Variants in SMOC2 observed in about 807,000 individuals in gnomAD.
SMOC2 encodes the protein SPARC related modular calcium binding 2, also known as SPARC-related modular calcium-binding protein 2.
In SMOC2, 39 loss-of-function variants were observed where a neutral mutation model predicts 61.4. The observed-to-expected ratio is 0.64, with a 90% confidence interval of 0.49 to 0.83. SMOC2 has a LOEUF of 0.83. SMOC2 is among the 40% of genes least tolerant of loss of function. The pLI is 0.00. For synonymous variants in SMOC2, 247 were observed against 239.9 expected, an observed-to-expected ratio of 1.03 and a Z score of -0.27; for missense variants, 556 against 592.9, an observed-to-expected ratio of 0.94 and a Z score of 0.65.
At chr6:168,504,640 T>C (rs1291798142) in intron 1 of SMOC2, among the ~76,000 whole-genome samples, 2 of 152,096 alleles carry the variant, frequency 1.3e-5, no homozygotes, top group African/African-American at 2.4e-5. Flanking sequence ...AAGCAGCAGA[T>C]ATCCCCCCAG....
At chr6:168,570,316 G>A (rs1018994769) in intron 7 of SMOC2, among the ~76,000 whole-genome samples, 8 of 152,214 alleles carry the variant, frequency 5.3e-5, no homozygotes, top group Non-Finnish European at 1.2e-4. Flanking sequence ...TGACTTCTCT[G>A]TGGGGGTCTC....
At chr6:168,664,621 C>A in intron 12 of SMOC2, 1 of 430,722 alleles carries the variant, frequency 2.3e-6, no homozygotes, top group Non-Finnish European at 4.8e-6. Flanking sequence ...ATTTCTGCTT[C>A]TTTTGGGGTC....
intron 8 of SMOC2, among the ~76,000 whole-genome samples, chr6:168,606,306 A>G (rs12191918): frequency 0.17 from 26,020 of 152,168 alleles, 3,355 homozygotes; most frequent in African/African-American, 0.35. Context: ...AATGGCTTTC[A>G]GTTAGAATGT....
chr6:168,518,588 T>A (rs1364842862), intron 2 of SMOC2, among the ~76,000 whole-genome samples: 2 of 138,384 alleles, frequency 1.4e-5, no homozygotes, highest in Admixed American at 1.5e-4. Flanking sequence ...CATGTATGTG[T>A]GTGAATGTGT....
Position 168,540,844 on chromosome 6 carries a change from G to A in SMOC2, c.464-2781G>A, listed in dbSNP as rs148864337. Among the ~76,000 whole-genome samples, 6 of 152,154 alleles carry A rather than the reference G, an allele frequency of 3.9e-5. 1 individual carries two copies. In the East Asian group the frequency reaches 1.2e-3, roughly 30 times the overall value. On this transcript the variant is annotated intron_variant, in intron 4 of 12. Transcript: ENST00000356284. Reference sequence around the variant, plus strand: ...CTCGGAAGGGGTGAGCCGCAGGCTTGTTTAGCTGCTCTGAAGGAGGACTCC... The same window carrying A: ...CTCGGAAGGGGTGAGCCGCAGGCTTATTTAGCTGCTCTGAAGGAGGACTCC...
chr6:168,540,182 C>A (rs1340771243), intron 4 of SMOC2, among the ~76,000 whole-genome samples: 1 of 152,226 alleles, frequency 6.6e-6, no homozygotes, highest in African/African-American at 2.4e-5. Flanking sequence ...CCTGTGGACA[C>A]GTGACAGGTG....
intron 4 of SMOC2, among the ~76,000 whole-genome samples, chr6:168,531,016 C>T (rs1021236928): frequency 7.9e-5 from 12 of 152,106 alleles, no homozygotes; most frequent in African/African-American, 2.7e-4. Context: ...TGGTGCCGTG[C>T]GCTAATGTCC....
intron 7 of SMOC2, among the ~76,000 whole-genome samples, chr6:168,569,974 G>A (rs943953612): frequency 2.0e-5 from 3 of 152,218 alleles, no homozygotes; most frequent in Non-Finnish European, 2.9e-5. Flanking sequence ...TCTAGGAGTT[G>A]TACAGTTCTG....
intron 4 of SMOC2, 52 bp downstream of exon 4, chr6:168,527,779 C>A: frequency 8.2e-7 from 1 of 1,224,872 alleles, no homozygotes. Context: ...ATTGGTTTGC[C>A]GTTTCTTCTC....
At chr6:168,631,610 T>C (rs1301566446) in intron 9 of SMOC2, among the ~76,000 whole-genome samples, 2 of 152,200 alleles carry the variant, frequency 1.3e-5, no homozygotes, top group Non-Finnish European at 2.9e-5. Flanking sequence ...GGGAAAAGCT[T>C]TTCTTGAAGG....
At chr6:168,520,521 G>A (rs1783304330) in intron 2 of SMOC2, among the ~76,000 whole-genome samples, 1 of 152,220 alleles carries the variant, frequency 6.6e-6, no homozygotes, top group Non-Finnish European at 1.5e-5. Context: ...GAGTTTACAT[G>A]GCCGTGGCCA....
intron 2 of SMOC2, among the ~76,000 whole-genome samples, chr6:168,523,801 A>G (rs1783391259): frequency 6.6e-6 from 1 of 152,186 alleles, no homozygotes; most frequent in South Asian, 2.1e-4. Flanking sequence ...CAAGGCTGTT[A>G]AACAGTTAGG....
chr6:168,623,790 A>G (rs866093534), intron 9 of SMOC2, among the ~76,000 whole-genome samples: 8 of 152,232 alleles, frequency 5.3e-5, no homozygotes, highest in Middle Eastern at 6.8e-3. Flanking sequence ...TATCCCCCCA[A>G]AAAAATCACT....
chr6:168,546,941 G>T, intron 5 of SMOC2, 178 bp from the exon 6 acceptor site: 1 of 746,020 alleles, frequency 1.3e-6, no homozygotes. Context: ...ACTCAAGACT[G>T]GTATAGTCAT....
intron 7 of SMOC2, among the ~76,000 whole-genome samples, chr6:168,549,554 G>T (rs1784083031): frequency 6.6e-6 from 1 of 152,156 alleles, no homozygotes; most frequent in Non-Finnish European, 1.5e-5. Flanking sequence ...TCATCATAAA[G>T]GTCTTCGTTC....
Position 168,653,003 on chromosome 6 carries a change from T to G in SMOC2, c.1060T>G (p.Trp354Gly). The change falls in exon 11 of 13, where the codon TGG (tryptophan) becomes GGG (glycine). Residue 354 changes from tryptophan (W) to glycine (G), a missense_variant. Physicochemically the swap from Trp to Gly is radical, Grantham distance 184. Coordinates refer to ENST00000356284, the MANE Select transcript of SMOC2 (RefSeq NM_001166412.2). ...TACCCTAGAGGAGCGGGTGGTGCACTGGTACTTCAAACTACTGGATAAAAA... is the reference window on the plus strand; with the variant it reads ...TACCCTAGAGGAGCGGGTGGTGCACGGGTACTTCAAACTACTGGATAAAAA... ...SHTLEERVVH[W>G]YFKLLDKNSS... The G allele has an allele frequency of 1.9e-6, 3 of 1,614,026 alleles. No homozygotes were observed. Among genetic ancestry groups the G allele is most frequent in the Non-Finnish European group, 2.5e-6 (3 of 1,179,986 alleles).
At chr6:168,628,186 C>G (rs1786464691) in intron 9 of SMOC2, among the ~76,000 whole-genome samples, 4 of 152,240 alleles carry the variant, frequency 2.6e-5, no homozygotes, top group Admixed American at 6.5e-5. Context: ...GATAAACACA[C>G]TTTGGAGAGC....
intron 7 of SMOC2, among the ~76,000 whole-genome samples, chr6:168,571,380 TCCA>T (rs1177263954): frequency 6.6e-6 from 1 of 152,150 alleles, no homozygotes; most frequent in Admixed American, 6.5e-5. Flanking sequence ...CAAATGTTAC[TCCA>T]CCATGTGCTC....
At chr6:168,565,416 G>A (rs1272309205) in intron 7 of SMOC2, among the ~76,000 whole-genome samples, 2 of 152,138 alleles carry the variant, frequency 1.3e-5, no homozygotes, top group South Asian at 2.1e-4. Context: ...TTCCCTCTGT[G>A]TTCTTCCCTC....
Sources: gnomAD v4.1 joint callset for allele counts (sites outside exome capture counted in the v4.1 genomes callset) on GRCh38, gnomAD v4.1.1 for gene constraint, MANE v1.5 for transcripts, NCBI Gene and HGNC (gene_info 2026-07-23, HGNC 2026-07-21) for gene names.